Variants in CES5A observed in about 807,000 individuals in gnomAD.
CES5A encodes carboxylesterase 5A.
A neutral mutation model predicts 62.9 loss-of-function variants in CES5A; 67 were observed. That is an observed-to-expected ratio of 1.07 (90% confidence interval 0.88 to 1.31). The LOEUF (loss-of-function observed/expected upper bound fraction) is 1.31. CES5A is among the 50% of genes most tolerant of loss of function. The pLI is 0.00. For missense variants in CES5A, 748 were observed against 708.5 expected (o/e 1.06, Z -0.63); for synonymous variants, 296 against 280.8 (o/e 1.05, Z -0.54).
intron 3 of CES5A, among the ~76,000 whole-genome samples, chr16:55,870,267 G>A (rs1356006772): frequency 6.6e-6 from 1 of 151,692 alleles, no homozygotes; most frequent in Non-Finnish European, 1.5e-5. Context: ...GGGGAGGGGA[G>A]AAAAGAGGAA....
intron 1 of CES5A, among the ~76,000 whole-genome samples, chr16:55,874,651 T>C (rs1213641449): frequency 2.0e-5 from 3 of 152,214 alleles, no homozygotes; most frequent in Admixed American, 6.5e-5. Context: ...AGATACTTCC[T>C]GAAATCAACT....
At chr16:55,892,089 G>T (rs940163161) in intron 1 of CES5A, among the ~76,000 whole-genome samples, 1 of 152,134 alleles carries the variant, frequency 6.6e-6, no homozygotes, top group Non-Finnish European at 1.5e-5. Flanking sequence ...GCCATCTATT[G>T]TCTCTAAGGG....
At chr16:55,917,323 T>C (rs1302144169) in intron 1 of CES5A, among the ~76,000 whole-genome samples, 1 of 152,260 alleles carries the variant, frequency 6.6e-6, no homozygotes, top group African/African-American at 2.4e-5. Flanking sequence ...CAATGAATAC[T>C]TTTTATGTCA....
chr16:55,863,002 A>G (rs576574371), intron 6 of CES5A, among the ~76,000 whole-genome samples: 89 of 152,330 alleles, frequency 5.8e-4, no homozygotes, highest in Non-Finnish European at 2.9e-5. Context: ...TTCTTAACAT[A>G]ATGCCCTGGG....
At chr16:55,939,423 A>G (rs531554397) in intron 2 of CES5A, among the ~76,000 whole-genome samples, 1 of 152,338 alleles carries the variant, frequency 6.6e-6, no homozygotes, top group Admixed American at 6.5e-5. Flanking sequence ...AGGACTCTGT[A>G]TAGTAAATAC....
At chr16:55,945,326 A>T (rs1160434751) in intron 2 of CES5A, among the ~76,000 whole-genome samples, 3 of 152,238 alleles carry the variant, frequency 2.0e-5, no homozygotes, top group Non-Finnish European at 2.9e-5. Context: ...CAATTTGCAC[A>T]AGGTTGTTCA....
In CES5A at chr16:55,872,923, A is replaced by G. The variant is rs116624837; in HGVS notation, c.278+910T>C. Among the ~76,000 whole-genome samples, 745 of 152,282 alleles carry G rather than the reference A, an allele frequency of 4.9e-3. 2 individuals carry two copies. Among genetic ancestry groups the G allele is most frequent in the African/African-American group, 0.017 (706 of 41,566 alleles). ...AACCCCTGCGGCGTCCCCAAGCTTA[A>G]TGGAGAGCCAGTTATCAAGTTGGTT... is the stretch of plus-strand genomic sequence containing the variant. On this transcript the variant is annotated intron_variant, in intron 2 of 12. Coordinates refer to ENST00000290567, the MANE Select transcript of CES5A (RefSeq NM_001143685.2).
At chr16:55,883,483 C>T (rs1301913183) in intron 1 of CES5A, among the ~76,000 whole-genome samples, 1 of 152,138 alleles carries the variant, frequency 6.6e-6, no homozygotes, top group Non-Finnish European at 1.5e-5. Flanking sequence ...CCATGTTGGC[C>T]AGGATGGTCT....
chr16:55,859,719 T>TA, intron 7 of CES5A, 32 bp from the exon 8 acceptor site: 1 of 1,586,838 alleles, frequency 6.3e-7, no homozygotes, highest in East Asian at 2.2e-5. Context: ...AATCATCAGC[T>TA]ATCATCAGCT....
intron 1 of CES5A, among the ~76,000 whole-genome samples, chr16:55,911,865 C>T (rs1210054398): frequency 2.0e-5 from 3 of 152,204 alleles, no homozygotes; most frequent in Admixed American, 1.3e-4. Context: ...CTCCAAACAG[C>T]TCCTGCCCAG....
At chr16:55,919,108 G>A (rs1206091477) in intron 1 of CES5A, among the ~76,000 whole-genome samples, 1 of 152,206 alleles carries the variant, frequency 6.6e-6, no homozygotes, top group Non-Finnish European at 1.5e-5. Flanking sequence ...GCCACATAGA[G>A]TCAGTCACAG....
At position 55,861,532 on chromosome 16, in the gene CES5A, G is replaced by A; in HGVS notation, c.811-16C>T. On this transcript the variant is annotated splice_polypyrimidine_tract_variant and intron_variant, in intron 6 of 12. Coordinates refer to ENST00000290567, the MANE Select transcript of CES5A (RefSeq NM_001143685.2). Reference sequence around the variant, plus strand: ...CCACCTGCAGCTATTTTGTAGAGAAGGACCGGGTTAGAGCATGATATTGAA... The same window carrying A: ...CCACCTGCAGCTATTTTGTAGAGAAAGACCGGGTTAGAGCATGATATTGAA... 1.9e-6 allele frequency: 3 copies of A among 1,566,218 alleles called. No homozygotes were observed. The highest frequency in any genetic ancestry group is 2.2e-5 in the South Asian group (2 of 89,990).
At chr16:55,878,715 T>A (rs1468929708), upstream of CES5A, among the ~76,000 whole-genome samples, 1 of 136,664 alleles carries the variant, frequency 7.3e-6, no homozygotes, top group Non-Finnish European at 1.5e-5. Flanking sequence ...CAGCACCCCA[T>A]GACTGCACCC....
rs368550451 is a variant in CES5A at position 55,849,764 on chromosome 16, G to A, written c.1283C>T (p.Ala428Val). The A allele has an allele frequency of 1.9e-5, 31 of 1,613,662 alleles. No individual in the cohort carries two copies. Among genetic ancestry groups the A allele is most frequent in the African/African-American group, 2.7e-5 (2 of 74,940 alleles). Residue 428 changes from alanine to valine, a missense_variant, in exon 11 of 13, where the codon GCA becomes GTA. By Grantham distance (64) the Ala-to-Val change is moderately conservative. Transcript: ENST00000290567. ...ITARYHRDAG[A>V]PVYFYEFRHR... ...CCGAAACTCATAGAAGTAGACAGGT[G>A]CACCAGCATCTGACAAAAGGTCAGG...
In CES5A at chr16:55,919,181, C is replaced by T. The variant is rs139147500; in HGVS notation, c.-256+6142G>A. Among the ~76,000 whole-genome samples, 908 of 152,374 alleles carry T rather than the reference C, an allele frequency of 6.0e-3. 9 individuals carry two copies. The highest frequency in any genetic ancestry group is 0.021 in the African/African-American group (865 of 41,588). On this transcript the variant is annotated intron_variant, in intron 1 of 12. Coordinates refer to the CES5A transcript ENST00000518005. ...ATGAGTCCCTGAACAGGCTGAGTCG[C>T]CCCAGGGCACAGGCCTCCCTTCCTT...
chr16:55,921,636 GAAAAA>G (rs1187326389), intron 1 of CES5A, among the ~76,000 whole-genome samples: 1 of 61,924 alleles, frequency 1.6e-5, no homozygotes, highest in African/African-American at 4.6e-5. Flanking sequence ...CAATCTGAAA[GAAAAA>G]AAAAAAAAAA....
chr16:55,951,683 C>T (rs1036065338), intron 1 of CES5A, among the ~76,000 whole-genome samples: 1 of 151,948 alleles, frequency 6.6e-6, no homozygotes, highest in Non-Finnish European at 1.5e-5. Flanking sequence ...AGGCAAAGAA[C>T]AATGAAAGAA....
chr16:55,897,392 G>T (rs535723765), intron 1 of CES5A, among the ~76,000 whole-genome samples: 9 of 152,240 alleles, frequency 5.9e-5, no homozygotes, highest in African/African-American at 1.7e-4. Context: ...GGGGAAAAAG[G>T]GTTCTAGGGC....
chr16:55,900,248 C>T (rs1486983376), intron 1 of CES5A, among the ~76,000 whole-genome samples: 1 of 152,148 alleles, frequency 6.6e-6, no homozygotes, highest in Non-Finnish European at 1.5e-5. Context: ...CCATCACAAG[C>T]TTGGGATGAT....
Sources: allele counts gnomAD v4.1 joint callset (sites outside exome capture counted in the v4.1 genomes callset), GRCh38; gene constraint gnomAD v4.1.1; transcripts MANE v1.5; gene names NCBI Gene and HGNC (gene_info 2026-07-23, HGNC 2026-07-21).